The following PTCHD4 variants were observed in gnomAD, a reference collection of about 807,000 sequenced individuals.
PTCHD4 encodes patched domain-containing protein 4.
PTCHD4 carries 33 observed loss-of-function variants against 58.1 expected under a neutral mutation model. The ratio of observed to expected loss-of-function variants is 0.57; its 90% CI spans 0.43 to 0.76. The LOEUF is 0.76. Ranked by LOEUF, PTCHD4 falls within the 30% of genes least tolerant of loss-of-function variation. The pLI, the probability that PTCHD4 is intolerant of heterozygous loss-of-function variation, is 0.00. For missense variants in PTCHD4, 1,058 were observed against 1,027.1 expected, an observed-to-expected ratio of 1.03 and a Z score of -0.41; for synonymous variants, 478 against 409.6, an observed-to-expected ratio of 1.17 and a Z score of -2.02.
chr6:48,053,908 C>A (rs543939964), intron 3 of PTCHD4, among the ~76,000 whole-genome samples: 39 of 152,224 alleles, frequency 2.6e-4, no homozygotes. Context: ...TTTGAGACCC[C>A]AAACTTGGCC....
Position 47,861,844 on chromosome 6 carries a change from C to A in PTCHD4, c.*16459G>T, listed in dbSNP as rs1312421299. ...ACAGGACTTTGTACATCACTTGGCA[C>A]ATTATAGGTTCTTAATCCATGTTTG... On this transcript the variant is annotated 3_prime_UTR_variant, in exon 5 of 5. Coordinates refer to ENST00000339488, the MANE Select transcript of PTCHD4 (RefSeq NM_001384253.1). Among the ~76,000 whole-genome samples the A allele has an allele frequency of 4.6e-5, 7 of 152,012 alleles. No homozygotes were observed. In the East Asian group the frequency reaches 1.4e-3, roughly 30 times the overall value.
intron 3 of PTCHD4, among the ~76,000 whole-genome samples, chr6:48,012,968 G>A (rs545165711): frequency 4.5e-4 from 69 of 152,204 alleles, no homozygotes; most frequent in Non-Finnish European, 7.2e-4. Context: ...TGCTGGACTC[G>A]GTTTGGCAGT....
intron 4 of PTCHD4, among the ~76,000 whole-genome samples, chr6:47,928,243 C>A (rs940639351): frequency 6.6e-6 from 1 of 152,150 alleles, no homozygotes; most frequent in African/African-American, 2.4e-5. Context: ...TTGAAAGGAG[C>A]ATCCCTTATC....
intron 4 of PTCHD4, among the ~76,000 whole-genome samples, chr6:47,958,940 C>G (rs1766975963): frequency 6.6e-6 from 1 of 152,094 alleles, no homozygotes; most frequent in South Asian, 2.1e-4. Context: ...TAATGTTAAG[C>G]TGAAAGGATC....
chr6:47,941,426 C>T (rs1209651316), intron 4 of PTCHD4, among the ~76,000 whole-genome samples: 7 of 152,092 alleles, frequency 4.6e-5, no homozygotes, highest in South Asian at 2.1e-4. Context: ...TCCCAGTTGC[C>T]TATATTATAT....
intron 4 of PTCHD4, among the ~76,000 whole-genome samples, chr6:47,955,354 TAAAC>T (rs561676012): frequency 1.1e-3 from 166 of 152,166 alleles, no homozygotes; most frequent in African/African-American, 3.9e-3. Context: ...AAAGAAAAAA[TAAAC>T]AAAATGGATA....
rs1355078602 is a variant in PTCHD4 at position 47,879,918 on chromosome 6, A to G, written c.917T>C (p.Val306Ala). The G allele has an allele frequency of 1.3e-6, 2 of 1,556,146 alleles. No homozygotes were observed. Among genetic ancestry groups the G allele is most frequent in the African/African-American group, 1.4e-5 (1 of 72,998 alleles). ...FFAMGHGTKG[V>A]FELLSGWRRT... Reference sequence around the variant, plus strand: ...CCGCCATCCGGACAGAAGCTCAAACACTCCTTTAGTTCCATGACCTAATGT... The same window carrying G: ...CCGCCATCCGGACAGAAGCTCAAACGCTCCTTTAGTTCCATGACCTAATGT... Residue 306 changes from valine to alanine, a missense_variant, in exon 5 of 5, where the codon GTG (valine) becomes GCG (alanine). Transcript: ENST00000339488.
At position 47,879,390 on chromosome 6, in the gene PTCHD4, A is replaced by ATCT; in HGVS notation, c.1442_1444dup (p.Gln481_Ile482insLys). The ATCT allele has an allele frequency of 6.2e-7, 1 of 1,613,656 alleles. No individual in the cohort carries two copies. The highest frequency in any genetic ancestry group is 8.5e-7 in the Non-Finnish European group (1 of 1,179,768). On this transcript the variant is annotated inframe_insertion, in exon 5 of 5. Transcript: ENST00000339488. ...ATTGATGATGTTGGCTCCGTCACTG[A>ATCT]TCTGTAAGCACCCCATGAAGGAGAA...
chr6:47,911,215 T>C (rs530742505), intron 4 of PTCHD4, among the ~76,000 whole-genome samples: 4 of 152,092 alleles, frequency 2.6e-5, no homozygotes, highest in African/African-American at 9.6e-5. Flanking sequence ...ATAAAAAATA[T>C]CCAGAGTATT....
chr6:48,108,478 G>A (rs1330966131), intron 1 of PTCHD4, among the ~76,000 whole-genome samples: 3 of 152,064 alleles, frequency 2.0e-5, no homozygotes, highest in Admixed American at 6.6e-5. Flanking sequence ...GGGAGGGATA[G>A]CATTAGGAGG....
chr6:47,911,102 A>G (rs1765053740), intron 4 of PTCHD4, among the ~76,000 whole-genome samples: 1 of 152,144 alleles, frequency 6.6e-6, no homozygotes. Flanking sequence ...ATCCATTCCC[A>G]GTTTTTCCCC....
At position 48,013,548 on chromosome 6, in the gene PTCHD4, G is replaced by A. The variant is rs183644067; in HGVS notation, c.418-4434C>T. ...GCAAGTAGAAAGGTGGGCATGCTTTGAGAAAGGAGGCGGGGATCTCATCCC... is the reference window on the plus strand; with the variant it reads ...GCAAGTAGAAAGGTGGGCATGCTTTAAGAAAGGAGGCGGGGATCTCATCCC... On this transcript the variant is annotated intron_variant, in intron 3 of 4. Coordinates refer to ENST00000339488, the MANE Select transcript of PTCHD4 (RefSeq NM_001384253.1). 4.0e-3 allele frequency among the ~76,000 whole-genome samples: 605 copies of A among 151,988 alleles called. 2 individuals are homozygous for A. The highest frequency in any genetic ancestry group is 5.9e-3 in the Non-Finnish European group (403 of 67,956).
chr6:48,013,776 T>C (rs1762776469), intron 3 of PTCHD4, among the ~76,000 whole-genome samples: 1 of 152,158 alleles, frequency 6.6e-6, no homozygotes, highest in South Asian at 2.1e-4. Flanking sequence ...TCTATTTACT[T>C]AAAATGTGCA....
In PTCHD4 at chr6:48,111,061, G is replaced by A. The variant is rs1299175900; in HGVS notation, c.-982C>T. 8.6e-5 allele frequency among the ~76,000 whole-genome samples: 13 copies of A among 151,956 alleles called. No individual in the cohort carries two copies. Among genetic ancestry groups the A allele is most frequent in the African/African-American group, 2.4e-4 (10 of 41,442 alleles). On this transcript the variant is annotated 5_prime_UTR_variant, in exon 1 of 5. It introduces an in-frame stop codon into an upstream open reading frame of the 5' UTR. Transcript: ENST00000339488. ...GGGGTTCCCTTACCTTCTGGCTTTC[G>A]GTTTGGATTGGCGCATGGAGGCAAC...
chr6:47,911,808 G>T (rs934362951), intron 4 of PTCHD4, among the ~76,000 whole-genome samples: 25 of 152,026 alleles, frequency 1.6e-4, no homozygotes, highest in African/African-American at 6.0e-4. Flanking sequence ...ATGAATTCTG[G>T]GAATCATTCA....
intron 4 of PTCHD4, among the ~76,000 whole-genome samples, chr6:47,886,699 A>G (rs1764204312): frequency 6.6e-6 from 1 of 152,246 alleles, no homozygotes; most frequent in South Asian, 2.1e-4. Context: ...AAGCAGATGC[A>G]AAAAAGTCTG....
At chr6:47,902,844 A>G (rs1355293748) in intron 4 of PTCHD4, among the ~76,000 whole-genome samples, 1 of 152,252 alleles carries the variant, frequency 6.6e-6, no homozygotes, top group African/African-American at 2.4e-5. Context: ...AAGTGTAAAC[A>G]TACATTCGTA....
intron 3 of PTCHD4, among the ~76,000 whole-genome samples, chr6:48,018,393 C>T (rs916900147): frequency 2.6e-5 from 4 of 152,066 alleles, no homozygotes; most frequent in Non-Finnish European, 4.4e-5. Context: ...CAGAAATCTG[C>T]CCCAAGAGAA....
chr6:47,950,584 G>A (rs1384164369), intron 4 of PTCHD4, among the ~76,000 whole-genome samples: 2 of 151,978 alleles, frequency 1.3e-5, no homozygotes, highest in Non-Finnish European at 2.9e-5. Context: ...TTTTCAATGA[G>A]GTTTTAAAAA....
Sources: gnomAD v4.1 joint callset for allele counts (sites outside exome capture counted in the v4.1 genomes callset) on GRCh38, gnomAD v4.1.1 for gene constraint, MANE v1.5 for transcripts, NCBI Gene and HGNC (gene_info 2026-07-23, HGNC 2026-07-21) for gene names.